The following CSMD1 variants were observed in gnomAD, a reference collection of about 807,000 sequenced individuals.
The protein encoded by CSMD1 is CUB and sushi domain-containing protein 1.
A neutral mutation model predicts 417.5 loss-of-function variants in CSMD1; 213 were observed. The ratio of observed to expected loss-of-function variants is 0.51; its 90% CI spans 0.46 to 0.57. The LOEUF (loss-of-function observed/expected upper bound fraction) is 0.57. CSMD1 is among the 20% of genes least tolerant of loss of function. CSMD1 has a pLI of 0.00. For missense variants in CSMD1, 6,923 were observed against 4,529.7 expected, an observed-to-expected ratio of 1.53 and a Z score of -15.17; for synonymous variants, 2,862 against 1,736.8, an observed-to-expected ratio of 1.65 and a Z score of -16.11.
chr8:4,598,194 T>C (rs1194926473), intron 2 of CSMD1, among the ~76,000 whole-genome samples: 3 of 152,134 alleles, frequency 2.0e-5, no homozygotes, highest in African/African-American at 7.2e-5. Context: ...GGAATTATCA[T>C]AGTTGTAGGG....
intron 5 of CSMD1, among the ~76,000 whole-genome samples, chr8:3,967,572 C>G (rs752727350): frequency 8.5e-5 from 13 of 152,266 alleles, no homozygotes; most frequent in Non-Finnish European, 1.9e-4. Flanking sequence ...ATATCACCAG[C>G]TTGACCTCTG....
chr8:3,099,884 G>A (rs184881513), intron 46 of CSMD1, among the ~76,000 whole-genome samples: 1 of 152,104 alleles, frequency 6.6e-6, no homozygotes, highest in Non-Finnish European at 1.5e-5. Context: ...CAACCAAAGA[G>A]GTAGCAGATA....
At chr8:4,730,161 T>G (rs1425714690) in intron 1 of CSMD1, among the ~76,000 whole-genome samples, 2 of 152,008 alleles carry the variant, frequency 1.3e-5, no homozygotes, top group Non-Finnish European at 2.9e-5. Flanking sequence ...ATGCAAAGCA[T>G]GGTCTCAGTG....
At chr8:3,310,584 A>G (rs959365674) in intron 23 of CSMD1, among the ~76,000 whole-genome samples, 4 of 152,224 alleles carry the variant, frequency 2.6e-5, no homozygotes, top group African/African-American at 9.6e-5. Flanking sequence ...ATACAATTGG[A>G]AATAACCATT....
At chr8:4,405,124 T>G (rs541581701) in intron 3 of CSMD1, among the ~76,000 whole-genome samples, 2 of 152,220 alleles carry the variant, frequency 1.3e-5, no homozygotes, top group African/African-American at 2.4e-5. Context: ...TGCCTTAGCA[T>G]TGGTTATTTC....
At chr8:3,659,652 T>C (rs1056866458) in intron 7 of CSMD1, among the ~76,000 whole-genome samples, 1 of 152,146 alleles carries the variant, frequency 6.6e-6, no homozygotes, top group African/African-American at 2.4e-5. Context: ...GCAAAGCAGA[T>C]AACAAGAAAA....
intron 3 of CSMD1, among the ~76,000 whole-genome samples, chr8:4,345,754 G>C (rs148068955): frequency 2.2e-4 from 34 of 152,142 alleles, no homozygotes; most frequent in African/African-American, 7.9e-4. Flanking sequence ...ACTATAATGT[G>C]CTATCATCTC....
chr8:4,994,487 A>T lies in CSMD1; in HGVS notation c.-71T>A. On this transcript the variant is annotated 5_prime_UTR_variant, in exon 1 of 70. Transcript: ENST00000635120. ...GGAAGGCAGGGCTATGAGCGGAGCC[A>T]AATAATCACCCGAGGGCAAGGCGAG... The T allele has an allele frequency of 7.1e-7, 1 of 1,401,020 alleles. No individual in the cohort carries two copies. Among genetic ancestry groups the T allele is most frequent in the Non-Finnish European group, 9.9e-7 (1 of 1,005,686 alleles). 86.8% of individuals were successfully genotyped at this position (1,401,020 alleles called of 1,614,324 possible). A position where few individuals can be genotyped will look rare whatever the true frequency, so the allele number is the denominator to read the frequency against.
chr8:3,036,874 A>G (rs528253449), intron 50 of CSMD1, among the ~76,000 whole-genome samples: 5 of 151,982 alleles, frequency 3.3e-5, no homozygotes, highest in Admixed American at 1.3e-4. Context: ...GGTTACATGG[A>G]TAAGTTATCT....
In CSMD1 at chr8:3,753,902, T is replaced by C. The variant is rs757049830; in HGVS notation, c.931+28A>G. 7 of 1,494,222 alleles carry C rather than the reference T, an allele frequency of 4.7e-6. No individual in the cohort carries two copies. In the Admixed American group the frequency reaches 8.8e-5, roughly 19 times the overall value. 92.6% of individuals were successfully genotyped at this position (1,494,222 alleles called of 1,614,324 possible). ...AAAATATATTACGCTCTGTTTTTTT[T>C]TTTTCTTATAAGATGGAGCATCCTT... On this transcript the variant is annotated intron_variant, in intron 6 of 69. Coordinates refer to ENST00000635120, the MANE Select transcript of CSMD1 (RefSeq NM_033225.6).
At chr8:3,204,398 TAAA>T (rs60509525) in intron 31 of CSMD1, among the ~76,000 whole-genome samples, 5 of 148,306 alleles carry the variant, frequency 3.4e-5, no homozygotes, top group Admixed American at 2.7e-4. Flanking sequence ...AGCATTTAGG[TAAA>T]AAAAAAAAAA....
intron 7 of CSMD1, among the ~76,000 whole-genome samples, chr8:3,681,467 G>C (rs928001731): frequency 2.0e-5 from 3 of 152,068 alleles, no homozygotes; most frequent in African/African-American, 7.2e-5. Context: ...AAATACCTAG[G>C]AATCCAGCTT....
chr8:4,281,228 C>G (rs191747125), intron 3 of CSMD1, among the ~76,000 whole-genome samples: 34 of 152,218 alleles, frequency 2.2e-4, no homozygotes, highest in African/African-American at 7.7e-4. Flanking sequence ...ACTTTGCTAC[C>G]TTAAGTATGA....
chr8:4,935,863 A>G (rs7011210), intron 1 of CSMD1, among the ~76,000 whole-genome samples: 46,315 of 152,148 alleles, frequency 0.3, 8,101 homozygotes, highest in Non-Finnish European at 0.4. Flanking sequence ...TCTTCACATG[A>G]GAAGCAGAAC....
intron 1 of CSMD1, among the ~76,000 whole-genome samples, chr8:4,714,987 G>C (rs1172622164): frequency 6.6e-6 from 1 of 152,050 alleles, no homozygotes; most frequent in East Asian, 1.9e-4. Context: ...TTCCCTTTAT[G>C]CTCACAGATG....
rs148666161 is a variant in CSMD1, at chr8:3,088,506, G to A, written c.7286-1221C>T. On this transcript the variant is annotated intron_variant, in intron 48 of 69. Transcript: ENST00000635120. ...TACATTCAGAAGAAACCTTCTGAAG[G>A]TTTTCTATCATAGTGGTGCCCAGAA... 3.0e-3 allele frequency among the ~76,000 whole-genome samples: 451 copies of A among 152,246 alleles called. 2 individuals are homozygous for A. Among genetic ancestry groups the A allele is most frequent in the South Asian group, 0.012 (56 of 4,824 alleles).
At chr8:4,171,361 G>A (rs1464334411) in intron 3 of CSMD1, among the ~76,000 whole-genome samples, 1 of 151,780 alleles carries the variant, frequency 6.6e-6, no homozygotes, top group East Asian at 1.9e-4. Context: ...TACCTTCCTT[G>A]AATTTTCTCT....
At chr8:4,557,757 A>C (rs1798159570) in intron 2 of CSMD1, among the ~76,000 whole-genome samples, 1 of 149,982 alleles carries the variant, frequency 6.7e-6, no homozygotes, top group Non-Finnish European at 1.5e-5. Context: ...GGTGTTTGAC[A>C]GCATTAAGAT....
At chr8:4,045,872 T>A (rs1369945780) in intron 3 of CSMD1, among the ~76,000 whole-genome samples, 1 of 152,134 alleles carries the variant, frequency 6.6e-6, no homozygotes, top group Non-Finnish European at 1.5e-5. Flanking sequence ...ATTTTTTTTT[T>A]AATTAGAGTT....
Sources: allele counts gnomAD v4.1 joint callset (sites outside exome capture counted in the v4.1 genomes callset), GRCh38; gene constraint gnomAD v4.1.1; transcripts MANE v1.5; gene names NCBI Gene and HGNC (gene_info 2026-07-23, HGNC 2026-07-21).